Variants in PTPRG observed in about 807,000 individuals in gnomAD.
PTPRG encodes the protein protein tyrosine phosphatase receptor type G.
A neutral mutation model predicts 165.3 loss-of-function variants in PTPRG; 102 were observed. That is an observed-to-expected ratio of 0.62 (90% CI 0.53 to 0.73). The LOEUF (loss-of-function observed/expected upper bound fraction) is 0.73, where lower values mean the gene tolerates loss of function less well. Ranked by LOEUF, PTPRG falls within the 30% of genes least tolerant of loss-of-function variation. The probability of loss-of-function intolerance (pLI) is 0.00; values close to 1 mark genes in which losing one functional copy is unlikely to be tolerated. For missense variants in PTPRG, 1,866 were observed against 1,861.4 expected, an observed-to-expected ratio of 1.00 and a Z score of -0.05; for synonymous variants, 675 against 669.5, an observed-to-expected ratio of 1.01 and a Z score of -0.13.
At chr3:62,182,376 A>C (rs939571951) in intron 8 of PTPRG, among the ~76,000 whole-genome samples, 3 of 152,240 alleles carry the variant, frequency 2.0e-5, no homozygotes, top group African/African-American at 7.2e-5. Flanking sequence ...GCCAACATTT[A>C]AAATGTAAGG....
chr3:62,055,340 A>G (rs1700599009), intron 4 of PTPRG, among the ~76,000 whole-genome samples: 1 of 152,240 alleles, frequency 6.6e-6, no homozygotes. Context: ...ATCGCTAATA[A>G]GGCTTAAATC....
At chr3:61,832,431 A>G (rs1002018608) in intron 2 of PTPRG, among the ~76,000 whole-genome samples, 7 of 152,160 alleles carry the variant, frequency 4.6e-5, no homozygotes, top group African/African-American at 1.7e-4. Flanking sequence ...GAGCATAGAG[A>G]GTGGGTAAGC....
At chr3:62,276,878 GAT>G (rs1559748725) in intron 24 of PTPRG, 92 bp from the exon 25 acceptor site, 3 of 897,518 alleles carry the variant, frequency 3.3e-6, no homozygotes, top group East Asian at 2.5e-5. Flanking sequence ...AAGCCAGGAG[GAT>G]ATGTTATTCA....
At chr3:62,086,663 T>C (rs1484237937) in intron 5 of PTPRG, among the ~76,000 whole-genome samples, 5 of 152,220 alleles carry the variant, frequency 3.3e-5, no homozygotes, top group Non-Finnish European at 5.9e-5. Flanking sequence ...TTCAGAATGT[T>C]TTGGGTTGAT....
chr3:61,682,994 T>G (rs980262847), intron 1 of PTPRG, among the ~76,000 whole-genome samples: 10 of 152,186 alleles, frequency 6.6e-5, no homozygotes, highest in African/African-American at 2.4e-4. Context: ...CTTTCTTCCT[T>G]CCTTAATTTT....
intron 7 of PTPRG, among the ~76,000 whole-genome samples, chr3:62,158,481 C>T (rs1052131280): frequency 5.9e-5 from 9 of 152,166 alleles, no homozygotes; most frequent in African/African-American, 1.9e-4. Flanking sequence ...CCTTCTGGGT[C>T]TTATGTCAAG....
At chr3:61,874,498 T>C (rs1239729740) in intron 2 of PTPRG, among the ~76,000 whole-genome samples, 2 of 150,480 alleles carry the variant, frequency 1.3e-5, no homozygotes, top group Non-Finnish European at 3.0e-5. Context: ...ATACCCACCA[T>C]TCCTTTTTCT....
At chr3:61,943,411 C>T (rs921563535) in intron 2 of PTPRG, among the ~76,000 whole-genome samples, 6 of 152,054 alleles carry the variant, frequency 3.9e-5, no homozygotes, top group Non-Finnish European at 7.4e-5. Context: ...GCCAACATGG[C>T]GCAACTCCGT....
intron 1 of PTPRG, among the ~76,000 whole-genome samples, chr3:61,689,083 C>G (rs992717100): frequency 6.6e-6 from 1 of 152,228 alleles, no homozygotes; most frequent in Admixed American, 6.5e-5. Flanking sequence ...ACTGTTTTTA[C>G]TGTAATAATC....
intron 4 of PTPRG, among the ~76,000 whole-genome samples, chr3:62,071,153 A>C (rs913953541): frequency 6.6e-6 from 1 of 151,992 alleles, no homozygotes; most frequent in Non-Finnish European, 1.5e-5. Flanking sequence ...GGAAATGTCT[A>C]TTGAGTCGTT....
At chr3:61,696,640 A>G (rs1443358872) in intron 1 of PTPRG, among the ~76,000 whole-genome samples, 1 of 152,212 alleles carries the variant, frequency 6.6e-6, no homozygotes, top group Admixed American at 6.5e-5. Flanking sequence ...CTGGCTGGGT[A>G]CTTCAGTGGG....
At chr3:61,693,563 AG>A (rs2030360434) in intron 1 of PTPRG, among the ~76,000 whole-genome samples, 1 of 152,154 alleles carries the variant, frequency 6.6e-6, no homozygotes, top group South Asian at 2.1e-4. Flanking sequence ...TGCCCTTGAA[AG>A]GTGTGCTCAG....
At position 62,281,552 on chromosome 3, in the gene PTPRG, G is replaced by GTTTT; in HGVS notation, c.3766-11_3766-10insTTTT. On this transcript the variant is annotated splice_polypyrimidine_tract_variant and intron_variant, in intron 26 of 29. Transcript: ENST00000474889. ...AACTGCAGAGGCTTTTTTTTTTTTT[G>GTTTT]GATTCCAAAGGCAGAAGATGAGTTT... 2.5e-5 allele frequency: 5 copies of GTTTT among 199,692 alleles called. No individual in the cohort carries two copies. Among genetic ancestry groups the GTTTT allele is most frequent in the African/African-American group, 1.3e-4 (1 of 7,450 alleles). 12.4% of individuals were successfully genotyped at this position (199,692 alleles called of 1,614,324 possible).
intron 2 of PTPRG, among the ~76,000 whole-genome samples, chr3:61,780,596 G>A (rs956354583): frequency 2.0e-5 from 3 of 152,144 alleles, no homozygotes; most frequent in African/African-American, 7.2e-5. Context: ...AGTAAAGTCA[G>A]GCAGTTGGGC....
At chr3:61,937,117 A>G (rs1327830800) in intron 2 of PTPRG, among the ~76,000 whole-genome samples, 1 of 152,214 alleles carries the variant, frequency 6.6e-6, no homozygotes, top group Non-Finnish European at 1.5e-5. Context: ...GAGATGTAGC[A>G]TCAAAGGAAA....
rs1056462608 is a variant in PTPRG at position 62,157,188 on chromosome 3, A to G, written c.804A>G (p.Ile268Met). 1.2e-6 allele frequency: 2 copies of G among 1,613,796 alleles called. No homozygotes were observed. Among genetic ancestry groups the G allele is most frequent in the Admixed American group, 1.7e-5 (1 of 59,994 alleles). The change falls in exon 7 of 30, where the codon ATA becomes ATG. Residue 268 changes from isoleucine to methionine, a missense_variant. Ile to Met is a conservative substitution (Grantham distance 10, BLOSUM62 1). Transcript: ENST00000474889. ...TPPCSEIVEW[I>M]VFRRPVPISY... ...CGTGTAGCGAAATAGTGGAGTGGATAGTCTTCCGGAGACCCGTCCCCATCT... is the reference window on the plus strand; with the variant it reads ...CGTGTAGCGAAATAGTGGAGTGGATGGTCTTCCGGAGACCCGTCCCCATCT...
At position 61,936,082 on chromosome 3, in the gene PTPRG, C is replaced by T. The variant is rs1033843243; in HGVS notation, c.191-53543C>T. Reference sequence around the variant, plus strand: ...TCTGCCACATGAGGAAACAGCGTTCCTCTTCTCTGGAGATTGCAATACAAG... The same window carrying T: ...TCTGCCACATGAGGAAACAGCGTTCTTCTTCTCTGGAGATTGCAATACAAG... On this transcript the variant is annotated intron_variant, in intron 2 of 29. Coordinates refer to ENST00000474889, the MANE Select transcript of PTPRG (RefSeq NM_002841.4). Among the ~76,000 whole-genome samples the T allele has an allele frequency of 5.3e-5, 8 of 152,262 alleles. No homozygotes were observed. The East Asian group carries it at 1.5e-3, about 29-fold the overall frequency.
chr3:62,072,633 G>C (rs78750561), intron 4 of PTPRG, among the ~76,000 whole-genome samples: 1 of 136,088 alleles, frequency 7.3e-6, no homozygotes, highest in African/African-American at 2.7e-5. Flanking sequence ...GTGTGTGTGT[G>C]TGTGTGTGTG....
intron 1 of PTPRG, among the ~76,000 whole-genome samples, chr3:61,599,284 G>T (rs1034689200): frequency 1.4e-4 from 22 of 152,062 alleles, no homozygotes; most frequent in Non-Finnish European, 1.9e-4. Context: ...CAAGTAGCTG[G>T]CATTATAGGC....
Sources: gnomAD v4.1 joint callset for allele counts (sites outside exome capture counted in the v4.1 genomes callset) on GRCh38, gnomAD v4.1.1 for gene constraint, MANE v1.5 for transcripts, NCBI Gene and HGNC (gene_info 2026-07-23, HGNC 2026-07-21) for gene names.